Variants in AUTS2 observed in about 807,000 individuals in gnomAD.
AUTS2 encodes the protein activator of transcription and developmental regulator AUTS2, also known as autism susceptibility gene 2 protein.
AUTS2 carries 17 observed loss-of-function variants against 112.4 expected under a neutral mutation model. That is an observed-to-expected ratio of 0.15 (90% confidence interval 0.10 to 0.23). AUTS2 has a LOEUF of 0.23. Among genes scored for constraint, AUTS2 ranks in the 10% least tolerant of loss-of-function variants. AUTS2 has a pLI of 1.00. For synonymous variants in AUTS2, 751 were observed against 702.7 expected, an observed-to-expected ratio of 1.07 and a Z score of -1.09; for missense variants, 1,510 against 1,701.6, an observed-to-expected ratio of 0.89 and a Z score of 1.98.
intron 4 of AUTS2, among the ~76,000 whole-genome samples, chr7:70,401,560 C>CA (rs1360070178): frequency 1.3e-5 from 2 of 152,148 alleles, no homozygotes; most frequent in African/African-American, 4.8e-5. Flanking sequence ...AAGGCCACTG[C>CA]ATGGAGGTCA....
chr7:69,911,629 A>G (rs549942919), intron 2 of AUTS2, among the ~76,000 whole-genome samples: 1 of 152,244 alleles, frequency 6.6e-6, no homozygotes, highest in South Asian at 2.1e-4. Flanking sequence ...CAGGCAGGTC[A>G]TCCCTATGAG....
chr7:70,515,513 T>A (rs1036193982), intron 5 of AUTS2, among the ~76,000 whole-genome samples: 3 of 152,132 alleles, frequency 2.0e-5, no homozygotes, highest in African/African-American at 7.2e-5. Context: ...ATTGTTTCCA[T>A]CATCCCTTGG....
At chr7:69,960,094 G>A (rs1419652057) in intron 2 of AUTS2, among the ~76,000 whole-genome samples, 1 of 152,044 alleles carries the variant, frequency 6.6e-6, no homozygotes, top group Non-Finnish European at 1.5e-5. Flanking sequence ...CATTTTGTCA[G>A]ACTGCATTTT....
rs548955292 is a variant in AUTS2, at chr7:70,396,810, T to C, written c.661-38942T>C. Among the ~76,000 whole-genome samples the C allele has an allele frequency of 8.7e-4, 133 of 152,344 alleles. 1 individual carries two copies. The highest frequency in any genetic ancestry group is 8.7e-3 in the Admixed American group (133 of 15,306). On this transcript the variant is annotated intron_variant, in intron 4 of 18. Coordinates refer to ENST00000342771, the MANE Select transcript of AUTS2 (RefSeq NM_015570.4). The stretch of plus-strand genomic sequence containing the variant: ...GTCTGGGTTGTTTACAATTTTTGGT[T>C]ATTACAAATAAAGCTGCTGTGAACA...
chr7:70,768,544 A>T (rs1240900161), intron 10 of AUTS2, among the ~76,000 whole-genome samples: 1 of 152,244 alleles, frequency 6.6e-6, no homozygotes, highest in Non-Finnish European at 1.5e-5. Context: ...ACCTTCTTCC[A>T]CATGGCTGGT....
rs1340527528 is a variant in AUTS2 at position 70,727,350 on chromosome 7, T to G, written c.742+28730T>G. On this transcript the variant is annotated intron_variant, in intron 6 of 18. Coordinates refer to ENST00000342771, the MANE Select transcript of AUTS2 (RefSeq NM_015570.4). ...AATGCCTGTTTGCCACAGGGCTGGG[T>G]TTTTTTTGTTTGTTTTGAGATGGAG... Among the ~76,000 whole-genome samples, 6 of 152,072 alleles carry G rather than the reference T, an allele frequency of 3.9e-5. No individual in the cohort carries two copies. The East Asian group carries it at 5.8e-4, about 15-fold the overall frequency.
At chr7:70,164,063 T>C (rs1808253607) in intron 4 of AUTS2, among the ~76,000 whole-genome samples, 1 of 152,228 alleles carries the variant, frequency 6.6e-6, no homozygotes. Context: ...TAGGTCCTAC[T>C]GTAAGTTTAG....
chr7:70,088,582 C>T (rs1364906684), intron 2 of AUTS2, among the ~76,000 whole-genome samples: 8 of 149,712 alleles, frequency 5.3e-5, no homozygotes, highest in African/African-American at 1.7e-4. Flanking sequence ...GATCTGAGAC[C>T]CACCTTGTTT....
chr7:69,704,673 A>C (rs1451456654), intron 1 of AUTS2, among the ~76,000 whole-genome samples: 2 of 152,122 alleles, frequency 1.3e-5, no homozygotes, highest in African/African-American at 4.8e-5. Context: ...ACCAGTAGCC[A>C]CCCTGCAGTA....
At chr7:70,496,143 C>T (rs1399644601) in intron 5 of AUTS2, among the ~76,000 whole-genome samples, 33 of 113,576 alleles carry the variant, frequency 2.9e-4, no homozygotes, top group Non-Finnish European at 5.0e-4. Context: ...GATCACACAC[C>T]CCACTCACAC....
At chr7:69,784,195 G>A (rs564144576) in intron 1 of AUTS2, among the ~76,000 whole-genome samples, 1 of 152,224 alleles carries the variant, frequency 6.6e-6, no homozygotes, top group South Asian at 2.1e-4. Flanking sequence ...AAGATTACAG[G>A]GTCCTTTAAG....
intron 5 of AUTS2, among the ~76,000 whole-genome samples, chr7:70,520,416 A>C (rs974604905): frequency 6.6e-6 from 1 of 152,054 alleles, no homozygotes; most frequent in Non-Finnish European, 1.5e-5. Context: ...AAAACGCTAA[A>C]TATGTTCCTT....
chr7:69,881,984 C>G (rs1023305369), intron 1 of AUTS2, among the ~76,000 whole-genome samples: 9 of 151,024 alleles, frequency 6.0e-5, no homozygotes, highest in African/African-American at 2.0e-4. Context: ...AACCTCATCT[C>G]TACTAAAAAT....
At chr7:70,121,642 T>G (rs900657641) in intron 3 of AUTS2, among the ~76,000 whole-genome samples, 2 of 152,122 alleles carry the variant, frequency 1.3e-5, no homozygotes, top group African/African-American at 4.8e-5. Flanking sequence ...TTATACCTAG[T>G]AGGATGGTTA....
At chr7:70,400,610 C>T (rs1246455109) in intron 4 of AUTS2, among the ~76,000 whole-genome samples, 2 of 152,108 alleles carry the variant, frequency 1.3e-5, no homozygotes, top group African/African-American at 4.8e-5. Context: ...GATGTGCGAC[C>T]ATGCCAAGCC....
chr7:70,691,224 GCTTT>G (rs1219802333), intron 5 of AUTS2, among the ~76,000 whole-genome samples: 1 of 152,056 alleles, frequency 6.6e-6, no homozygotes, highest in Non-Finnish European at 1.5e-5. Flanking sequence ...CTTGCTCTCT[GCTTT>G]CTATTAGAAA....
In AUTS2 at chr7:69,711,574, T is replaced by A. The variant is rs569661110; in HGVS notation, c.309+111612T>A. 2.8e-4 allele frequency among the ~76,000 whole-genome samples: 42 copies of A among 152,322 alleles called. 1 individual carries two copies. The South Asian group carries it at 8.1e-3, about 29-fold the overall frequency. ...TTAGTATAGAATAAATTCACAGGCT[T>A]GTGGGTCTGAGGACATTTGCTTGTT... is the stretch of plus-strand genomic sequence containing the variant. On this transcript the variant is annotated intron_variant, in intron 1 of 18. Coordinates refer to ENST00000342771, the MANE Select transcript of AUTS2 (RefSeq NM_015570.4).
At chr7:70,280,878 T>G (rs934362150) in intron 4 of AUTS2, among the ~76,000 whole-genome samples, 2 of 152,188 alleles carry the variant, frequency 1.3e-5, no homozygotes, top group Non-Finnish European at 2.9e-5. Flanking sequence ...TGCTCACTAA[T>G]GTATAGGTAT....
At chr7:70,522,335 A>G (rs1453784055) in intron 5 of AUTS2, among the ~76,000 whole-genome samples, 1 of 152,206 alleles carries the variant, frequency 6.6e-6, no homozygotes, top group Non-Finnish European at 1.5e-5. Context: ...CAGGGGGTAT[A>G]TGTGTAGGTT....
Sources: gnomAD v4.1 joint callset for allele counts (sites outside exome capture counted in the v4.1 genomes callset) on GRCh38, gnomAD v4.1.1 for gene constraint, MANE v1.5 for transcripts, NCBI Gene and HGNC (gene_info 2026-07-23, HGNC 2026-07-21) for gene names.